The following CA6 variants were observed in gnomAD, a reference collection of about 807,000 sequenced individuals.
CA6 encodes the protein carbonic anhydrase 6.
A neutral mutation model predicts 35.9 loss-of-function variants in CA6; 28 were observed. The ratio of observed to expected loss-of-function variants is 0.78; its 90% CI spans 0.58 to 1.07. The LOEUF (loss-of-function observed/expected upper bound fraction) is 1.07, where lower values mean the gene tolerates loss of function less well. Among genes scored for constraint, CA6 ranks in the 50% least tolerant of loss-of-function variants. The pLI is 0.00. For synonymous variants in CA6, 148 were observed against 152.6 expected (o/e 0.97, Z 0.22); for missense variants, 377 against 382.0 (o/e 0.99, Z 0.11).
intron 4 of CA6, among the ~76,000 whole-genome samples, chr1:8,960,076 A>G (rs1431226587): frequency 6.6e-6 from 1 of 151,194 alleles, no homozygotes; most frequent in Non-Finnish European, 1.5e-5. Context: ...TACTAAAAAT[A>G]CAAAAGTAGC....
Position 8,975,067 on chromosome 1 carries a change from A to C in CA6, c.*363A>C, listed in dbSNP as rs139274856. 3.0e-3 allele frequency: 481 copies of C among 162,868 alleles called. 3 individuals are homozygous for C. The highest frequency in any genetic ancestry group is 0.025 in the East Asian group (141 of 5,550). 10.1% of individuals were successfully genotyped at this position (162,868 alleles called of 1,614,324 possible). A position where few individuals can be genotyped will look rare whatever the true frequency, so the allele number is the denominator to read the frequency against. On this transcript the variant is annotated 3_prime_UTR_variant, in exon 8 of 8. Coordinates refer to ENST00000377443, the MANE Select transcript of CA6 (RefSeq NM_001215.4). ...CCTTTAGCATTAGATGTAATAAAATAACTTTGGAAATTTGTCATTTAAAAA... is the reference window on the plus strand; with the variant it reads ...CCTTTAGCATTAGATGTAATAAAATCACTTTGGAAATTTGTCATTTAAAAA...
At chr1:8,973,710 C>CTATTTCTTTCTT (rs1553164135) in intron 7 of CA6, among the ~76,000 whole-genome samples, 1 of 106,428 alleles carries the variant, frequency 9.4e-6, no homozygotes, top group East Asian at 3.7e-4. Context: ...TTCTTTCTCT[C>CTATTTCTTTCTT]TCTTTCTTTC....
At chr1:8,953,558 G>A (rs1639595400) in intron 2 of CA6, among the ~76,000 whole-genome samples, 1 of 152,186 alleles carries the variant, frequency 6.6e-6, no homozygotes, top group African/African-American at 2.4e-5. Context: ...GGAGGTCAAG[G>A]CTGCAGTGAG....
chr1:8,974,746 C>A lies in CA6; in HGVS notation c.*42C>A. On this transcript the variant is annotated 3_prime_UTR_variant, in exon 8 of 8. Coordinates refer to ENST00000377443, the MANE Select transcript of CA6 (RefSeq NM_001215.4). Reference sequence around the variant, plus strand: ...GATTCAATATTAACTAGCTTGAAGCCTGACCTAGCCAGAAGTGCCTGTCCG... The same window carrying A: ...GATTCAATATTAACTAGCTTGAAGCATGACCTAGCCAGAAGTGCCTGTCCG... 1 of 1,269,718 alleles carries A rather than the reference C, an allele frequency of 7.9e-7. No homozygotes were observed. The highest frequency in any genetic ancestry group is 1.1e-6 in the Non-Finnish European group (1 of 936,630). The allele number at this position is 1,269,718 out of a possible 1,614,324, so 78.7% of individuals were successfully genotyped here. A position where few individuals can be genotyped will look rare whatever the true frequency, so the allele number is the denominator to read the frequency against.
At chr1:8,950,648 C>T (rs1639506878) in intron 2 of CA6, among the ~76,000 whole-genome samples, 1 of 152,000 alleles carries the variant, frequency 6.6e-6, no homozygotes, top group South Asian at 2.1e-4. Context: ...GTGGGAGGAT[C>T]ACTTGATGCC....
At chr1:8,948,154 A>T (rs1166062778) in intron 1 of CA6, among the ~76,000 whole-genome samples, 1 of 151,940 alleles carries the variant, frequency 6.6e-6, no homozygotes, top group East Asian at 1.9e-4. Flanking sequence ...AGCCACAAAC[A>T]CCTGTCTTAA....
At position 8,948,640 on chromosome 1, in the gene CA6, T is replaced by C. The variant is rs553166177; in HGVS notation, c.80-623T>C. ...AGGATCCCTCCATGCATTCACCAGC[T>C]GGAAATAAGTCAAACGAGAGCAAAA... On this transcript the variant is annotated intron_variant, in intron 1 of 7. Transcript: ENST00000377443. 3.5e-4 allele frequency among the ~76,000 whole-genome samples: 53 copies of C among 151,988 alleles called. No homozygotes were observed. In the Middle Eastern group the frequency reaches 0.024, roughly 68 times the overall value.
At chr1:8,955,873 T>C (rs1341061818) in intron 2 of CA6, among the ~76,000 whole-genome samples, 1 of 152,216 alleles carries the variant, frequency 6.6e-6, no homozygotes, top group Admixed American at 6.6e-5. Context: ...AAATACCTCA[T>C]ATTTGCTATC....
At chr1:8,967,878 T>G in intron 6 of CA6, 62 bp downstream of exon 6, 1 of 1,500,274 alleles carries the variant, frequency 6.7e-7, no homozygotes, top group Non-Finnish European at 9.2e-7. Flanking sequence ...ACAAGGGTTC[T>G]CCCCAGCATC....
intron 7 of CA6, among the ~76,000 whole-genome samples, chr1:8,971,918 C>T (rs555674844): frequency 6.6e-6 from 1 of 152,202 alleles, no homozygotes; most frequent in Non-Finnish European, 1.5e-5. Context: ...TTTATTTTGT[C>T]TGCTTTCTGT....
chr1:8,953,017 T>C (rs1177391141), intron 2 of CA6, among the ~76,000 whole-genome samples: 2 of 152,224 alleles, frequency 1.3e-5, no homozygotes, highest in Non-Finnish European at 2.9e-5. Context: ...ATGAAAATCC[T>C]GTGTTCCACC....
At chr1:8,972,499 C>T (rs889331383) in intron 7 of CA6, among the ~76,000 whole-genome samples, 2 of 152,028 alleles carry the variant, frequency 1.3e-5, no homozygotes, top group South Asian at 2.1e-4. Flanking sequence ...GGTGAAACCC[C>T]GCCTCTACTA....
In CA6 at chr1:8,970,992, C is replaced by T. The variant is rs181233618; in HGVS notation, c.844+11C>T. 6.5e-7 allele frequency: 1 copy of T among 1,535,302 alleles called. No individual in the cohort carries two copies. The highest frequency in any genetic ancestry group is 1.4e-5 in the African/African-American group (1 of 73,488). ...ACTTCCCGAATCAGGGTGAGTGAGA[C>T]CGACTCTTGATCATGCTCTGCAGTT... is the stretch of plus-strand genomic sequence containing the variant. On this transcript the variant is annotated intron_variant, in intron 7 of 7. Transcript: ENST00000377443.
At chr1:8,974,404 C>T (rs2124203566) in intron 7 of CA6, 1 of 1,541,856 alleles carries the variant, frequency 6.5e-7, no homozygotes, top group Non-Finnish European at 8.7e-7. Context: ...CAGCCCACCT[C>T]AACACGCCAC....
At chr1:8,957,561 G>A (rs1446938230) in intron 3 of CA6, among the ~76,000 whole-genome samples, 3 of 152,042 alleles carry the variant, frequency 2.0e-5, no homozygotes, top group African/African-American at 2.4e-5. Context: ...GGCTGGTCTC[G>A]AACTCTTGAC....
chr1:8,960,789 C>CATATATATATAT (rs1553163139), intron 4 of CA6, among the ~76,000 whole-genome samples: 15 of 116,976 alleles, frequency 1.3e-4, no homozygotes, highest in Non-Finnish European at 2.3e-4. Context: ...CACACACACA[C>CATATATATATAT]ATATATATAA....
intron 6 of CA6, 120 bp from the exon 7 acceptor site, chr1:8,970,747 C>T (rs188728550): frequency 2.5e-4 from 177 of 718,688 alleles, no homozygotes; most frequent in Non-Finnish European, 4.1e-4. Context: ...GTGATCTGCC[C>T]GCCCCAGCCT....
At position 8,971,617 on chromosome 1, in the gene CA6, A is replaced by C. The variant is rs182012229; in HGVS notation, c.844+636A>C. On this transcript the variant is annotated intron_variant, in intron 7 of 7. Coordinates refer to ENST00000377443, the MANE Select transcript of CA6 (RefSeq NM_001215.4). ...GGAGCCACCGTGCCTGGCCAAGTTA[A>C]CCTTATTAACCCCACCCAGATTATT... Among the ~76,000 whole-genome samples the C allele has an allele frequency of 4.0e-3, 602 of 151,848 alleles. 5 individuals carry two copies. The highest frequency in any genetic ancestry group is 0.014 in the African/African-American group (562 of 41,410).
chr1:8,946,042 CT>C (rs879044243), intron 1 of CA6, 77 bp downstream of exon 1: 82,705 of 604,142 alleles, frequency 0.14, 38 homozygotes, highest in South Asian at 0.22. Flanking sequence ...TCTTCTTCTT[CT>C]TTTTTTTTTT....
Sources: gnomAD v4.1 joint callset for allele counts (sites outside exome capture counted in the v4.1 genomes callset) on GRCh38, gnomAD v4.1.1 for gene constraint, MANE v1.5 for transcripts, NCBI Gene and HGNC (gene_info 2026-07-23, HGNC 2026-07-21) for gene names.